BTBD9: variants seen among roughly 807,000 people sequenced by gnomAD.
The protein encoded by BTBD9 is BTB/POZ domain-containing protein 9.
Under a neutral mutation model 64.3 loss-of-function variants are expected in BTBD9, and 49 were observed. The ratio of observed to expected loss-of-function variants is 0.76; its 90% CI spans 0.61 to 0.97. The LOEUF is 0.97. Among genes scored for constraint, BTBD9 ranks in the 50% least tolerant of loss-of-function variants. BTBD9 has a pLI of 0.00. For missense variants in BTBD9, 598 were observed against 762.1 expected (o/e 0.78, Z 2.53); for synonymous variants, 260 against 274.7 (o/e 0.95, Z 0.53).
intron 9 of BTBD9, among the ~76,000 whole-genome samples, chr6:38,236,188 C>T (rs189751778): frequency 1.3e-3 from 195 of 152,310 alleles, no homozygotes; most frequent in Admixed American, 2.7e-3. Context: ...CTTTTAGATG[C>T]GTTTCTCCTC....
At chr6:38,176,826 A>C (rs996386551) in intron 10 of BTBD9, among the ~76,000 whole-genome samples, 7 of 152,210 alleles carry the variant, frequency 4.6e-5, no homozygotes, top group African/African-American at 1.7e-4. Flanking sequence ...CGCCCTGGGC[A>C]TGTCGGCCAC....
intron 7 of BTBD9, among the ~76,000 whole-genome samples, chr6:38,340,431 A>G (rs1261540390): frequency 6.6e-6 from 1 of 152,192 alleles, no homozygotes; most frequent in Non-Finnish European, 1.5e-5. Context: ...TATCAAAAGG[A>G]CTCAAAAACC....
chr6:38,488,817 CA>C (rs1771571150), intron 6 of BTBD9, among the ~76,000 whole-genome samples: 3 of 149,150 alleles, frequency 2.0e-5, no homozygotes, highest in African/African-American at 7.4e-5. Context: ...TAAGGAAATT[CA>C]AAAAAAGAGA....
At chr6:38,235,974 A>G (rs1033202410) in intron 9 of BTBD9, among the ~76,000 whole-genome samples, 3 of 152,152 alleles carry the variant, frequency 2.0e-5, no homozygotes, top group Non-Finnish European at 4.4e-5. Context: ...CGAGGTAGAA[A>G]GGGTAGGCTT....
intron 8 of BTBD9, among the ~76,000 whole-genome samples, chr6:38,283,466 A>C (rs188232807): frequency 6.6e-6 from 1 of 152,212 alleles, no homozygotes; most frequent in Non-Finnish European, 1.5e-5. Context: ...TAGGCAACAA[A>C]GCAAGACCCT....
Position 38,594,253 on chromosome 6 carries a change from GCT to G in BTBD9, c.258_259del (p.Glu86AspfsTer19). ...GATATATTTGAGTAGCATTGTGAAT[GCT>G]TCTGCAGTGGTGTCTTGGAGAGGAA... On this transcript the variant is annotated frameshift_variant, in exon 3 of 11. Coordinates refer to ENST00000481247, the MANE Select transcript of BTBD9 (RefSeq NM_001099272.2). LOFTEE classifies it high-confidence loss of function. 1 of 1,613,992 alleles carries G rather than the reference GCT, an allele frequency of 6.2e-7. No homozygotes were observed. The highest frequency in any genetic ancestry group is 8.5e-7 in the Non-Finnish European group (1 of 1,179,952).
intron 6 of BTBD9, among the ~76,000 whole-genome samples, chr6:38,412,979 T>C (rs1259637342): frequency 1.3e-5 from 2 of 149,636 alleles, no homozygotes; most frequent in East Asian, 4.0e-4. Flanking sequence ...ATGGACTATA[T>C]AAAGTGGTAC....
Position 38,315,562 on chromosome 6 carries a change from T to C in BTBD9, c.1265-27101A>G, listed in dbSNP as rs547933129. On this transcript the variant is annotated intron_variant, in intron 7 of 10. Transcript: ENST00000481247. ...TTCAATTTCCTTCTTAATCTCTTCC[T>C]TGACCCACTGGTCATTCAGAGGCAT... 8.1e-4 allele frequency among the ~76,000 whole-genome samples: 124 copies of C among 152,350 alleles called. 1 individual carries two copies. The South Asian group carries it at 9.7e-3, about 12-fold the overall frequency.
In BTBD9 at chr6:38,582,453, C is replaced by T. The variant is rs1042925096; in HGVS notation, c.815-2016G>A. ...GAAGTGGAGGCAGAAAAAAGTTAGA[C>T]AGACTTACTTGTCCCAGGTCACAAA... On this transcript the variant is annotated intron_variant, in intron 4 of 10. Transcript: ENST00000481247. 5.9e-5 allele frequency among the ~76,000 whole-genome samples: 9 copies of T among 152,266 alleles called. No individual in the cohort carries two copies. The South Asian group carries it at 6.2e-4, about 11-fold the overall frequency.
intron 9 of BTBD9, among the ~76,000 whole-genome samples, chr6:38,245,851 ATGTACATTT>A (rs1340708374): frequency 6.6e-6 from 1 of 152,214 alleles, no homozygotes; most frequent in African/African-American, 2.4e-5. Context: ...ATTTCTGACC[ATGTACATTT>A]TGTGTGCTCA....
chr6:38,492,089 T>C (rs940240771), intron 6 of BTBD9, among the ~76,000 whole-genome samples: 1 of 152,300 alleles, frequency 6.6e-6, no homozygotes, highest in Middle Eastern at 3.4e-3. Flanking sequence ...GGTCCCACTT[T>C]AGAGATGAGA....
chr6:38,227,076 G>A (rs1763420345), intron 9 of BTBD9, among the ~76,000 whole-genome samples: 1 of 152,334 alleles, frequency 6.6e-6, no homozygotes, highest in East Asian at 1.9e-4. Context: ...AGTATGTCCT[G>A]GAGAGGCTTG....
intron 10 of BTBD9, chr6:38,179,343 C>G (rs753840928): frequency 7.3e-6 from 3 of 412,970 alleles, no homozygotes; most frequent in South Asian, 5.0e-5. Flanking sequence ...CAAGAAAGAT[C>G]AGAATTTGGT....
chr6:38,267,328 C>T (rs1287040500), intron 8 of BTBD9, among the ~76,000 whole-genome samples: 1 of 152,254 alleles, frequency 6.6e-6, no homozygotes, highest in Non-Finnish European at 1.5e-5. Flanking sequence ...AACAGACAGA[C>T]ACATTAAAGA....
intron 9 of BTBD9, among the ~76,000 whole-genome samples, chr6:38,231,480 C>T (rs1251227701): frequency 6.6e-6 from 1 of 152,180 alleles, no homozygotes; most frequent in Non-Finnish European, 1.5e-5. Context: ...GTCTCTAACT[C>T]CTTCATTTAT....
chr6:38,284,903 T>C (rs1761671483), intron 8 of BTBD9, among the ~76,000 whole-genome samples: 1 of 143,384 alleles, frequency 7.0e-6, no homozygotes, highest in African/African-American at 2.6e-5. Flanking sequence ...ATCAAAGAAT[T>C]GGAGGCAGGA....
chr6:38,478,471 C>A (rs1770992879), intron 6 of BTBD9, among the ~76,000 whole-genome samples: 1 of 151,996 alleles, frequency 6.6e-6, no homozygotes, highest in Non-Finnish European at 1.5e-5. Context: ...ATTACATGGC[C>A]GGCAGTGAGG....
chr6:38,472,107 G>T (rs1770676177), intron 6 of BTBD9, among the ~76,000 whole-genome samples: 1 of 152,040 alleles, frequency 6.6e-6, no homozygotes, highest in African/African-American at 2.4e-5. Flanking sequence ...CATCCTGCAG[G>T]GATTTCACTT....
chr6:38,244,510 G>A (rs1212295797), intron 9 of BTBD9, among the ~76,000 whole-genome samples: 1 of 151,998 alleles, frequency 6.6e-6, no homozygotes, highest in Non-Finnish European at 1.5e-5. Flanking sequence ...TAAAAATCCA[G>A]AGAAGCAATT....
Sources: allele counts gnomAD v4.1 joint callset (sites outside exome capture counted in the v4.1 genomes callset), GRCh38; gene constraint gnomAD v4.1.1; transcripts MANE v1.5; gene names NCBI Gene and HGNC (gene_info 2026-07-23, HGNC 2026-07-21).